The following NABP1 variants were observed in gnomAD, a reference collection of about 807,000 sequenced individuals.
The protein encoded by NABP1 is nucleic acid binding protein 1.
Under a neutral mutation model 25.0 loss-of-function variants are expected in NABP1, and 18 were observed. That is an observed-to-expected ratio of 0.72 (90% CI 0.50 to 1.07). The LOEUF (loss-of-function observed/expected upper bound fraction) is 1.07. Ranked by LOEUF, NABP1 falls within the 50% of genes least tolerant of loss-of-function variation. The pLI is 0.00. For missense variants in NABP1, 270 were observed against 255.6 expected (o/e 1.06, Z -0.39); for synonymous variants, 71 against 85.0 (o/e 0.84, Z 0.91).
chr2:191,685,500 T>C, intron 5 of NABP1, 99 bp from the exon 6 acceptor site: 3 of 1,054,260 alleles, frequency 2.8e-6, no homozygotes, highest in African/African-American at 3.2e-5. Flanking sequence ...GTGTGTGCTT[T>C]AATATTTTTA....
At chr2:191,684,195 A>G in intron 4 of NABP1, 35 bp from the exon 5 acceptor site, 1 of 1,309,536 alleles carries the variant, frequency 7.6e-7, no homozygotes, top group East Asian at 2.5e-5. Context: ...TTGTGTTTTT[A>G]TTCTCGTTTG....
In NABP1 at chr2:191,678,470, C is replaced by T. The variant is rs1290313173; in HGVS notation, c.-145C>T. The T allele has an allele frequency of 4.0e-5, 21 of 525,326 alleles. No individual in the cohort carries two copies. The highest frequency in any genetic ancestry group is 3.9e-4 in the African/African-American group (19 of 48,864). The allele number at this position is 525,326 out of a possible 1,614,324, so 32.5% of individuals were successfully genotyped here. On this transcript the variant is annotated 5_prime_UTR_variant, in exon 1 of 6. Transcript: ENST00000425611. ...GCTGTCCGGGCTGGTTTGCCCGGTC[C>T]CTGACTAACGGCTTTCTGCCCCTTC...
intron 3 of NABP1, chr2:191,682,439 A>G: frequency 2.2e-6 from 1 of 464,352 alleles, no homozygotes; most frequent in South Asian, 1.6e-5. Context: ...ATATGTACTC[A>G]TGTTAAAAAG....
rs200296899 is a variant in NABP1 at position 191,679,123 on chromosome 2, C to T, written c.225C>T (p.Thr75=). 2 of 1,614,044 alleles carry T rather than the reference C, an allele frequency of 1.2e-6. No homozygotes were observed. The highest frequency in any genetic ancestry group is 2.2e-5 in the East Asian group (1 of 44,874). Residue 75 remains threonine, a synonymous_variant, in exon 2 of 6, where the codon ACC becomes ACT. Coordinates refer to ENST00000425611, the MANE Select transcript of NABP1 (RefSeq NM_001031716.5). ...AGCCAGGGGATATTATTCGGTTGAC[C>T]AGAGGGTAGGTGTGCAAAAAAGTCG... ...LIQPGDIIRL[T]RGYASMWKGC... is the part of the protein sequence containing the mutation.
intron 2 of NABP1, among the ~76,000 whole-genome samples, chr2:191,680,080 T>C (rs762539735): frequency 4.6e-5 from 7 of 152,210 alleles, no homozygotes; most frequent in Non-Finnish European, 8.8e-5. Flanking sequence ...AAAGAGTCAG[T>C]TGGCGGATAG....
In NABP1 at chr2:191,681,693, C is replaced by G. The variant is rs138313386; in HGVS notation, c.231-253C>G. ...ATTGGGTATAATAATACTGGCTTTG[C>G]GAAAAGACTTATTTTCCAGAATTTG... is the stretch of plus-strand genomic sequence containing the variant. On this transcript the variant is annotated intron_variant, in intron 2 of 5. Transcript: ENST00000425611. 3.2e-3 allele frequency among the ~76,000 whole-genome samples: 483 copies of G among 151,978 alleles called. 10 individuals carry two copies. Among genetic ancestry groups the G allele is most frequent in the African/African-American group, 0.011 (448 of 41,446 alleles).
Position 191,683,794 on chromosome 2 carries a change from A to C in NABP1, c.368A>C (p.Gln123Pro), listed in dbSNP as rs1397498609. The change falls in exon 4 of 6, where the codon CAG (glutamine) becomes CCG (proline). Residue 123 changes from glutamine (Q) to proline (P), a missense_variant. Gln to Pro is a moderately conservative substitution (Grantham distance 76). Transcript: ENST00000425611. This position sits in a 1 kb window ranked among gnomAD's most constrained non-coding sequence, Gnocchi z 4.1. ...SEPNPDYRGQQNKGAQSEQKN... is the reference protein window; with the variant it reads ...SEPNPDYRGQPNKGAQSEQKN... ...CCCAACCCAGATTATCGAGGACAGC[A>C]GAACAAAGGGGTAATTGTGTAGTAT... 2.5e-6 allele frequency: 4 copies of C among 1,607,270 alleles called. No individual in the cohort carries two copies. Among genetic ancestry groups the C allele is most frequent in the Admixed American group, 1.7e-5 (1 of 58,122 alleles).
At position 191,678,782 on chromosome 2, in the gene NABP1, G is replaced by T. The variant is rs538580791; in HGVS notation, c.91+77G>T. 7.2e-5 allele frequency: 101 copies of T among 1,402,936 alleles called. No individual in the cohort carries two copies. The African/African-American group carries it at 1.3e-3, about 19-fold the overall frequency. 86.9% of individuals were successfully genotyped at this position (1,402,936 alleles called of 1,614,324 possible). Reference sequence around the variant, plus strand: ...GAGACAGGGGCGCCGGCCGCTGCGCGCCCGGGGCTCCCCTCCTCCTCCCTC... The same window carrying T: ...GAGACAGGGGCGCCGGCCGCTGCGCTCCCGGGGCTCCCCTCCTCCTCCCTC... On this transcript the variant is annotated intron_variant, in intron 1 of 5. Transcript: ENST00000425611.
Position 191,685,888 on chromosome 2 carries a change from TTGGTTTGTTAAGAAGAA to T in NABP1, c.*130_*146del, listed in dbSNP as rs1212084738. The T allele has an allele frequency of 5.1e-5, 49 of 968,006 alleles. No individual in the cohort carries two copies. The highest frequency in any genetic ancestry group is 6.9e-5 in the Non-Finnish European group (46 of 662,812). The allele number at this position is 968,006 out of a possible 1,614,324, so 60.0% of individuals were successfully genotyped here. On this transcript the variant is annotated 3_prime_UTR_variant, in exon 6 of 6. Transcript: ENST00000425611. ...CTTTATTGGGTTTCCTTTTATATTC[TTGGTTTGTTAAGAAGAA>T]TGGTTTGTTTTTATAGCAAAACTGT...
Position 191,686,846 on chromosome 2 carries a change from C to A in NABP1, c.*1078C>A, listed in dbSNP as rs1363603038. The A allele has an allele frequency of 6.6e-6, 1 of 152,614 alleles. No homozygotes were observed. The highest frequency in any genetic ancestry group is 6.5e-5 in the Admixed American group (1 of 15,280). 9.5% of individuals were successfully genotyped at this position (152,614 alleles called of 1,614,324 possible). On this transcript the variant is annotated 3_prime_UTR_variant, in exon 6 of 6. Coordinates refer to ENST00000425611, the MANE Select transcript of NABP1 (RefSeq NM_001031716.5). ...ATTTATGTACATGTCATAAGTGGTA[C>A]CCACTTCCCCTTTTTACTGTAGGGT...
In NABP1 at chr2:191,683,488, T is replaced by G; in HGVS notation, c.303-241T>G. 2 of 378,380 alleles carry G rather than the reference T, an allele frequency of 5.3e-6. No homozygotes were observed. Among genetic ancestry groups the G allele is most frequent in the Non-Finnish European group, 9.5e-6 (2 of 210,034 alleles). The allele number at this position is 378,380 out of a possible 1,614,324, so 23.4% of individuals were successfully genotyped here. ...CTTGATTTTTGATGTGATTTTTTTT[T>G]CAGCACTAAAGAAGAATTTAAATAC... On this transcript the variant is annotated intron_variant, in intron 3 of 5. Transcript: ENST00000425611. The surrounding 1 kb of genome is among the most constrained non-coding windows in gnomAD (Gnocchi z 4.1).
intron 3 of NABP1, chr2:191,682,382 G>GTT (rs1171798164): frequency 2.7e-6 from 1 of 376,358 alleles, no homozygotes; most frequent in African/African-American, 2.1e-5. Flanking sequence ...GATTCACCAA[G>GTT]TTTCAGGCCA....
At chr2:191,680,322 G>A (rs1687652089) in intron 2 of NABP1, among the ~76,000 whole-genome samples, 1 of 152,218 alleles carries the variant, frequency 6.6e-6, no homozygotes, top group Non-Finnish European at 1.5e-5. Flanking sequence ...AGCACTGAGA[G>A]TAGGAGCTTA....
At position 191,678,668 on chromosome 2, in the gene NABP1, G is replaced by T. The variant is rs1319983078; in HGVS notation, c.54G>T (p.Leu18=). The change falls in exon 1 of 6, where the codon CTG becomes CTT. Residue 18 remains leucine (L), a synonymous_variant. Coordinates refer to ENST00000425611, the MANE Select transcript of NABP1 (RefSeq NM_001031716.5). ...TTATAAGAGATATTAAGCCCGGACT[G>T]AAAAACTTAAATGTCGTCTTTATTG... ...LIFIRDIKPG[L]KNLNVVFIVL... The T allele has an allele frequency of 6.2e-7, 1 of 1,613,860 alleles. No homozygotes were observed. Among genetic ancestry groups the T allele is most frequent in the African/African-American group, 1.3e-5 (1 of 75,048 alleles).
intron 2 of NABP1, among the ~76,000 whole-genome samples, chr2:191,680,367 T>A (rs1388525696): frequency 6.6e-6 from 1 of 152,206 alleles, no homozygotes; most frequent in Non-Finnish European, 1.5e-5. Flanking sequence ...GCTTACAACA[T>A]CTTCAGGAAG....
chr2:191,682,292 A>G (rs1687708174), intron 3 of NABP1: 1 of 391,294 alleles, frequency 2.6e-6, no homozygotes. Flanking sequence ...TAGGTTTTAG[A>G]AATGTGCATT....
chr2:191,679,976 C>T (rs564591318), intron 2 of NABP1, among the ~76,000 whole-genome samples: 1 of 152,120 alleles, frequency 6.6e-6, no homozygotes, highest in African/African-American at 2.4e-5. Context: ...AAAATGATTT[C>T]TTGTGTCTTC....
At chr2:191,678,796 T>C (rs1032725519) in intron 1 of NABP1, 91 bp downstream of exon 1, 2 of 941,282 alleles carry the variant, frequency 2.1e-6, no homozygotes, top group Admixed American at 2.4e-5. Context: ...GGGGCTCCCC[T>C]CCTCCTCCCT....
At position 191,686,773 on chromosome 2, in the gene NABP1, C is replaced by T. The variant is rs1215881582; in HGVS notation, c.*1005C>T. On this transcript the variant is annotated 3_prime_UTR_variant, in exon 6 of 6. Transcript: ENST00000425611. ...TATTAGCAAAAGTTTTAAGAAATGG[C>T]TCTATCAAAGAAGCAATTGCAGCTT... The T allele has an allele frequency of 6.6e-6, 1 of 152,506 alleles. No individual in the cohort carries two copies. Among genetic ancestry groups the T allele is most frequent in the Non-Finnish European group, 1.5e-5 (1 of 68,014 alleles). 9.4% of individuals were successfully genotyped at this position (152,506 alleles called of 1,614,324 possible).
Sources: gnomAD v4.1 joint callset for allele counts (sites outside exome capture counted in the v4.1 genomes callset) on GRCh38, gnomAD v4.1.1 for gene constraint, Gnocchi (gnomAD v3.1) non-coding constraint, MANE v1.5 for transcripts, NCBI Gene and HGNC (gene_info 2026-07-23, HGNC 2026-07-21) for gene names.